The following MYO6 variants were observed in gnomAD, a reference collection of about 807,000 sequenced individuals.
MYO6 encodes unconventional myosin-VI.
MYO6 carries 74 observed loss-of-function variants against 178.7 expected under a neutral mutation model. The ratio of observed to expected loss-of-function variants is 0.41; its 90% confidence interval spans 0.34 to 0.50. MYO6 has a LOEUF of 0.50. Ranked by LOEUF, MYO6 falls within the 20% of genes least tolerant of loss-of-function variation. MYO6 has a pLI of 0.09. For synonymous variants in MYO6, 477 were observed against 504.6 expected, an observed-to-expected ratio of 0.95 and a Z score of 0.73; for missense variants, 1,330 against 1,547.4, an observed-to-expected ratio of 0.86 and a Z score of 2.36.
At chr6:75,856,548 T>C (rs1410850140) in intron 12 of MYO6, among the ~76,000 whole-genome samples, 1 of 151,852 alleles carries the variant, frequency 6.6e-6, no homozygotes, top group Non-Finnish European at 1.5e-5. Context: ...TTTAGCATGG[T>C]GTTTGGAAAT....
At chr6:75,865,831 T>C (rs1583308441) in intron 16 of MYO6, among the ~76,000 whole-genome samples, 1 of 152,328 alleles carries the variant, frequency 6.6e-6, no homozygotes, top group Admixed American at 6.5e-5. Flanking sequence ...TGTGTAAATA[T>C]GTTAGGCTAT....
chr6:75,799,206 A>G (rs1337918368), intron 1 of MYO6, among the ~76,000 whole-genome samples: 6 of 152,092 alleles, frequency 3.9e-5, no homozygotes, highest in Admixed American at 3.3e-4. Context: ...CCTGGCCAAC[A>G]TGGTGAAACC....
intron 1 of MYO6, among the ~76,000 whole-genome samples, chr6:75,772,898 C>G (rs1471582958): frequency 1.3e-5 from 2 of 152,036 alleles, no homozygotes. Context: ...GCATATTGTT[C>G]AATTATCTTG....
intron 30 of MYO6, among the ~76,000 whole-genome samples, chr6:75,902,334 G>A (rs1457505908): frequency 1.3e-5 from 2 of 152,034 alleles, no homozygotes; most frequent in African/African-American, 4.8e-5. Flanking sequence ...GGTAGAATTC[G>A]GCTGTGAATC....
rs557441143 is a variant in MYO6, at chr6:75,840,644, C to A, written c.613C>A (p.Arg205=). 6.2e-7 allele frequency: 1 copy of A among 1,613,514 alleles called. No homozygotes were observed. Among genetic ancestry groups the A allele is most frequent in the Non-Finnish European group, 8.5e-7 (1 of 1,179,688 alleles). The change falls in exon 8 of 35, where the codon CGA becomes AGA. Residue 205 remains arginine, a synonymous_variant. Coordinates refer to ENST00000369977, the MANE Select transcript of MYO6 (RefSeq NM_004999.4). ...AKTVRNNNSS[R]FGKFVEIHFN... is the part of the protein sequence containing the mutation. ...GACTGTTCGCAACAATAATAGCAGTCGATTTGGGAAATTTGTAGAAATACA... is the reference window on the plus strand; with the variant it reads ...GACTGTTCGCAACAATAATAGCAGTAGATTTGGGAAATTTGTAGAAATACA...
At chr6:75,848,032 C>G (rs1268038097) in intron 10 of MYO6, among the ~76,000 whole-genome samples, 4 of 151,706 alleles carry the variant, frequency 2.6e-5, no homozygotes, top group African/African-American at 9.7e-5. Flanking sequence ...CAATTTTTGT[C>G]TTTTTCTAAT....
chr6:75,863,221 C>T (rs1776349528), intron 16 of MYO6, among the ~76,000 whole-genome samples: 1 of 152,146 alleles, frequency 6.6e-6, no homozygotes, highest in African/African-American at 2.4e-5. Flanking sequence ...CGCAAGCAGC[C>T]ATCTGTCTGC....
chr6:75,808,871 G>A (rs150068190), intron 1 of MYO6, among the ~76,000 whole-genome samples: 208 of 152,274 alleles, frequency 1.4e-3, no homozygotes, highest in African/African-American at 4.8e-3. Flanking sequence ...ACTCAAGGCA[G>A]GGGGAGGGGA....
chr6:75,758,609 C>T (rs1055739431), intron 1 of MYO6, among the ~76,000 whole-genome samples: 22 of 151,448 alleles, frequency 1.5e-4, no homozygotes, highest in African/African-American at 4.8e-4. Context: ...TACAGGCTCC[C>T]GCCACCACGC....
chr6:75,788,559 C>T (rs570305519), intron 1 of MYO6, among the ~76,000 whole-genome samples: 1 of 152,266 alleles, frequency 6.6e-6, no homozygotes, highest in African/African-American at 2.4e-5. Flanking sequence ...AACTGAAGCA[C>T]CCTGATGGTG....
At chr6:75,758,357 G>T (rs1777647160) in intron 1 of MYO6, among the ~76,000 whole-genome samples, 1 of 152,106 alleles carries the variant, frequency 6.6e-6, no homozygotes, top group Non-Finnish European at 1.5e-5. Context: ...TCTCTTCATT[G>T]ACTTTTTTTT....
chr6:75,896,673 G>A (rs1457602585), intron 29 of MYO6, among the ~76,000 whole-genome samples: 1 of 152,112 alleles, frequency 6.6e-6, no homozygotes, highest in Non-Finnish European at 1.5e-5. Context: ...AGTTAAATGG[G>A]GCATGGAGTA....
At chr6:75,759,859 A>C (rs1231691088) in intron 1 of MYO6, among the ~76,000 whole-genome samples, 1 of 152,206 alleles carries the variant, frequency 6.6e-6, no homozygotes, top group African/African-American at 2.4e-5. Flanking sequence ...CCAACAAGAA[A>C]CATAATCTAG....
At chr6:75,765,002 CAAA>C (rs957587029) in intron 1 of MYO6, among the ~76,000 whole-genome samples, 1 of 114,252 alleles carries the variant, frequency 8.8e-6, no homozygotes, top group Non-Finnish European at 1.9e-5. Context: ...CCGTCTCAAA[CAAA>C]AAAAAAAAAG....
chr6:75,806,505 C>A (rs1485724610), intron 1 of MYO6, among the ~76,000 whole-genome samples: 2 of 152,266 alleles, frequency 1.3e-5, no homozygotes, highest in East Asian at 1.9e-4. Flanking sequence ...ACAAGCGCCC[C>A]AAAATCTGGC....
chr6:75,857,338 G>A, intron 13 of MYO6, 84 bp downstream of exon 13: 4 of 1,387,302 alleles, frequency 2.9e-6, no homozygotes, highest in Non-Finnish European at 4.1e-6. Context: ...TTTCTCCTTT[G>A]TAACTCATTT....
At position 75,832,837 on chromosome 6, in the gene MYO6, C is replaced by T. The variant is rs757389132; in HGVS notation, c.392-5C>T. 4.4e-6 allele frequency: 7 copies of T among 1,584,376 alleles called. No homozygotes were observed. The African/African-American group carries it at 5.4e-5, about 12-fold the overall frequency. ...CTCATCATTAATGTCTTATTTTGAC[C>T]CTAGCTGATAAAGCTTTTCGAGACA... is the stretch of plus-strand genomic sequence containing the variant. On this transcript the variant is annotated splice_polypyrimidine_tract_variant and splice_region_variant and intron_variant, in intron 5 of 34. Coordinates refer to ENST00000369977, the MANE Select transcript of MYO6 (RefSeq NM_004999.4).
At chr6:75,817,685 T>A (rs961926739) in intron 2 of MYO6, 21 bp downstream of exon 2, 1 of 1,598,480 alleles carries the variant, frequency 6.3e-7, no homozygotes, top group African/African-American at 1.3e-5. Flanking sequence ...CAGAAAGATG[T>A]TGAAATATGA....
intron 14 of MYO6, 41 bp from the exon 15 acceptor site, chr6:75,860,982 C>A: frequency 7.4e-7 from 1 of 1,350,248 alleles, no homozygotes; most frequent in South Asian, 1.2e-5. Flanking sequence ...CACTATTGCT[C>A]AGTATTGCTG....
Sources: allele counts gnomAD v4.1 joint callset (sites outside exome capture counted in the v4.1 genomes callset), GRCh38; gene constraint gnomAD v4.1.1; transcripts MANE v1.5; gene names NCBI Gene and HGNC (gene_info 2026-07-23, HGNC 2026-07-21).